EPB41L2: variants seen among roughly 807,000 people sequenced by gnomAD.
EPB41L2 encodes the protein band 4.1-like protein 2.
Under a neutral mutation model 113.0 loss-of-function variants are expected in EPB41L2, and 43 were observed. The ratio of observed to expected loss-of-function variants is 0.38; its 90% CI spans 0.30 to 0.49. The LOEUF (loss-of-function observed/expected upper bound fraction) is 0.49, where lower values mean the gene tolerates loss of function less well. EPB41L2 is among the 20% of genes least tolerant of loss of function. The pLI, the probability that EPB41L2 is intolerant of heterozygous loss-of-function variation, is 0.95. For synonymous variants in EPB41L2, 442 were observed against 436.7 expected, an observed-to-expected ratio of 1.01 and a Z score of -0.15; for missense variants, 1,147 against 1,223.4, an observed-to-expected ratio of 0.94 and a Z score of 0.93.
intron 1 of EPB41L2, among the ~76,000 whole-genome samples, chr6:130,974,831 T>C (rs1182351935): frequency 2.0e-5 from 3 of 147,586 alleles, no homozygotes; most frequent in Non-Finnish European, 4.5e-5. Context: ...GTTCAAGTGA[T>C]TCTTCTGCCT....
chr6:130,865,667 T>C, intron 16 of EPB41L2, 33 bp from the exon 17 acceptor site: 1 of 1,600,112 alleles, frequency 6.2e-7, no homozygotes. Flanking sequence ...TACAAAGTAA[T>C]GCTTAACTTC....
At chr6:131,046,078 ATTT>A (rs36055181) in intron 1 of EPB41L2, among the ~76,000 whole-genome samples, 12 of 123,958 alleles carry the variant, frequency 9.7e-5, no homozygotes, top group Admixed American at 1.6e-4. Context: ...TCCGAAGCTA[ATTT>A]TTTTTTTTTT....
intron 13 of EPB41L2, 77 bp downstream of exon 13, chr6:130,880,067 C>G (rs1408634771): frequency 3.7e-6 from 4 of 1,085,016 alleles, no homozygotes; most frequent in Non-Finnish European, 5.5e-6. Context: ...ACATTGCCAG[C>G]CAGCCTAGGC....
At chr6:130,895,182 T>C in intron 8 of EPB41L2, 63 bp from the exon 9 acceptor site, 1 of 1,509,202 alleles carries the variant, frequency 6.6e-7, no homozygotes, top group Non-Finnish European at 8.9e-7. Context: ...ATCAAGAAGC[T>C]AATTAGCTCC....
In EPB41L2 at chr6:131,023,098, C is replaced by T. The variant is rs146571358; in HGVS notation, c.-15+40057G>A. ...GAATATAGTATGTCCTAAAAAACTACGTTAGATAAGTTTTACACAATTTTA... is the reference window on the plus strand; with the variant it reads ...GAATATAGTATGTCCTAAAAAACTATGTTAGATAAGTTTTACACAATTTTA... On this transcript the variant is annotated intron_variant, in intron 1 of 19. Transcript: ENST00000337057. Among the ~76,000 whole-genome samples the T allele has an allele frequency of 4.6e-4, 70 of 152,010 alleles. No homozygotes were observed. The East Asian group carries it at 0.012, about 26-fold the overall frequency.
At chr6:130,935,024 C>G (rs1326372554) in intron 3 of EPB41L2, among the ~76,000 whole-genome samples, 2 of 152,066 alleles carry the variant, frequency 1.3e-5, no homozygotes, top group African/African-American at 4.8e-5. Context: ...TTAAGGATTG[C>G]CACATCTTTT....
intron 8 of EPB41L2, among the ~76,000 whole-genome samples, chr6:130,897,225 A>T (rs1794928415): frequency 6.8e-6 from 1 of 147,724 alleles, no homozygotes; most frequent in African/African-American, 2.5e-5. Flanking sequence ...TCTTCTAATT[A>T]AAAAAAAAAA....
At chr6:130,850,110 C>T (rs1028514467) in intron 19 of EPB41L2, among the ~76,000 whole-genome samples, 2 of 152,018 alleles carry the variant, frequency 1.3e-5, no homozygotes, top group Non-Finnish European at 2.9e-5. Flanking sequence ...TGGTAGCACA[C>T]GCCTGTAATT....
chr6:130,888,559 G>A (rs1791788788), intron 11 of EPB41L2, among the ~76,000 whole-genome samples: 1 of 152,112 alleles, frequency 6.6e-6, no homozygotes, highest in Non-Finnish European at 1.5e-5. Context: ...GAGTTATACA[G>A]CCTCACAGTT....
At chr6:130,991,712 C>A (rs1437710674) in intron 1 of EPB41L2, among the ~76,000 whole-genome samples, 1 of 152,106 alleles carries the variant, frequency 6.6e-6, no homozygotes, top group Non-Finnish European at 1.5e-5. Context: ...AAATAATAAA[C>A]ATTTTGAGGT....
At chr6:130,895,597 T>C (rs969849989) in intron 8 of EPB41L2, among the ~76,000 whole-genome samples, 1 of 152,232 alleles carries the variant, frequency 6.6e-6, no homozygotes, top group Non-Finnish European at 1.5e-5. Flanking sequence ...CTTAAAATTA[T>C]GCCAATATTT....
chr6:131,027,172 T>G (rs1791058281), intron 1 of EPB41L2, among the ~76,000 whole-genome samples: 1 of 152,210 alleles, frequency 6.6e-6, no homozygotes, highest in Admixed American at 6.5e-5. Flanking sequence ...ACTAAATATT[T>G]AAAAAGTTAA....
intron 3 of EPB41L2, among the ~76,000 whole-genome samples, chr6:130,930,333 G>A (rs1465883774): frequency 6.6e-6 from 1 of 152,142 alleles, no homozygotes; most frequent in African/African-American, 2.4e-5. Flanking sequence ...TACAGGTTGA[G>A]CATCCCAAAT....
intron 19 of EPB41L2, among the ~76,000 whole-genome samples, chr6:130,845,377 C>G (rs913142445): frequency 5.7e-5 from 3 of 52,408 alleles, no homozygotes; most frequent in Non-Finnish European, 9.9e-5. Context: ...TTTGAGGTAA[C>G]CTTATTCTTT....
rs188644260 is a variant in EPB41L2 at position 130,994,433 on chromosome 6, C to T, written c.-14-37934G>A. On this transcript the variant is annotated intron_variant, in intron 1 of 19. Transcript: ENST00000337057. Reference sequence around the variant, plus strand: ...AGAGTGTGTCCTGGGGAAAACCTAACGCTGGGACTCACCACTGACACATAG... The same window carrying T: ...AGAGTGTGTCCTGGGGAAAACCTAATGCTGGGACTCACCACTGACACATAG... Among the ~76,000 whole-genome samples, 8 of 152,230 alleles carry T rather than the reference C, an allele frequency of 5.3e-5. No homozygotes were observed. The East Asian group carries it at 5.8e-4, about 11-fold the overall frequency.
chr6:130,845,498 C>T lies in EPB41L2; in HGVS notation c.*6-4900G>A, dbSNP rs568770221. 2.0e-5 allele frequency among the ~76,000 whole-genome samples: 3 copies of T among 152,258 alleles called. No individual in the cohort carries two copies. The South Asian group carries it at 6.2e-4, about 32-fold the overall frequency. On this transcript the variant is annotated intron_variant, in intron 19 of 19. Transcript: ENST00000337057. ...ACTCAAGGGATCCTCCTGCCTCAGC[C>T]TCCCAAGTAGCTAGGACTACAGGCA...
At chr6:130,990,235 C>T (rs1448341168) in intron 1 of EPB41L2, among the ~76,000 whole-genome samples, 2 of 151,904 alleles carry the variant, frequency 1.3e-5, no homozygotes, top group Non-Finnish European at 2.9e-5. Flanking sequence ...GCAAGAGAAT[C>T]GCTGGAACCT....
chr6:131,032,808 C>T (rs1446668453), intron 1 of EPB41L2, among the ~76,000 whole-genome samples: 1 of 152,274 alleles, frequency 6.6e-6, no homozygotes, highest in South Asian at 2.1e-4. Flanking sequence ...AATGGTACCT[C>T]TTTATTCAAT....
At chr6:131,022,576 G>A (rs1190385202) in intron 1 of EPB41L2, among the ~76,000 whole-genome samples, 1 of 152,042 alleles carries the variant, frequency 6.6e-6, no homozygotes, top group African/African-American at 2.4e-5. Flanking sequence ...TAATCTCCTT[G>A]CCTTGGTTTC....
Sources: allele counts gnomAD v4.1 joint callset (sites outside exome capture counted in the v4.1 genomes callset), GRCh38; gene constraint gnomAD v4.1.1; transcripts MANE v1.5; gene names NCBI Gene and HGNC (gene_info 2026-07-23, HGNC 2026-07-21).